BST1: variants seen among roughly 807,000 people sequenced by gnomAD.
BST1 encodes the protein ADP-ribosyl cyclase/cyclic ADP-ribose hydrolase 2.
In BST1, 49 loss-of-function variants were observed where a neutral mutation model predicts 40.6. That is an observed-to-expected ratio of 1.21 (90% CI 0.96 to 1.53). The LOEUF (loss-of-function observed/expected upper bound fraction) is 1.53, where lower values mean the gene tolerates loss of function less well. Among genes scored for constraint, BST1 ranks in the 40% most tolerant of loss-of-function variants. The pLI, the probability that BST1 is intolerant of heterozygous loss-of-function variation, is 0.00. For synonymous variants in BST1, 157 were observed against 159.3 expected, an observed-to-expected ratio of 0.99 and a Z score of 0.11; for missense variants, 423 against 395.9, an observed-to-expected ratio of 1.07 and a Z score of -0.58.
exon 7 of BST1, chr4:15,737,883 A>C: frequency 4.3e-6 from 5 of 1,168,682 alleles, no homozygotes; most frequent in Non-Finnish European, 5.7e-6. Flanking sequence ...CGAAATCTCC[A>C]GAGGCTCTGG....
the BST1 span, among the ~76,000 whole-genome samples, chr4:15,748,822 G>A: frequency 1.3e-5 from 2 of 152,150 alleles, no homozygotes; most frequent in African/African-American, 4.8e-5. Context: ...CATTCCTTAT[G>A]ATTACCATTT....
downstream of BST1, among the ~76,000 whole-genome samples, chr4:15,739,595 A>G (rs561899323): frequency 0.031 from 2,796 of 90,210 alleles, 83 homozygotes; most frequent in African/African-American, 0.095. Flanking sequence ...GTGTGTGTGT[A>G]TTTCTCCCCT....
rs142268904 is a variant in BST1 at position 15,729,867 on chromosome 4, A to G, written c.852-1873A>G. Among the ~76,000 whole-genome samples, 15 of 152,284 alleles carry G rather than the reference A, an allele frequency of 9.9e-5. No homozygotes were observed. The East Asian group carries it at 2.9e-3, about 29-fold the overall frequency. Reference sequence around the variant, plus strand: ...GATAGAAATAGGTCTGAGAAAGTAAACTCCAAGCACCTAACTGTGGGTTCC... The same window carrying G: ...GATAGAAATAGGTCTGAGAAAGTAAGCTCCAAGCACCTAACTGTGGGTTCC... On this transcript the variant is annotated intron_variant, in intron 8 of 8. Coordinates refer to ENST00000265016, the MANE Select transcript of BST1 (RefSeq NM_004334.3).
At chr4:15,730,566 C>T (rs1423187026) in intron 8 of BST1, among the ~76,000 whole-genome samples, 2 of 152,178 alleles carry the variant, frequency 1.3e-5, no homozygotes, top group African/African-American at 2.4e-5. Context: ...AGGTGAAGAA[C>T]GCACGTTGCA....
chr4:15,716,037 TC>T (rs1720498076), intron 6 of BST1, among the ~76,000 whole-genome samples: 1 of 152,196 alleles, frequency 6.6e-6, no homozygotes, highest in Non-Finnish European at 1.5e-5. Flanking sequence ...AAGACAGTGT[TC>T]CTTTCTGAAT....
At chr4:15,734,537 GT>G (rs1560290328), downstream of BST1, among the ~76,000 whole-genome samples, 1 of 151,960 alleles carries the variant, frequency 6.6e-6, no homozygotes, top group Non-Finnish European at 1.5e-5. Context: ...AAACTTAGGG[GT>G]TTACATAGCA....
chr4:15,768,700 G>A, the BST1 span, among the ~76,000 whole-genome samples: 1 of 151,866 alleles, frequency 6.6e-6, no homozygotes, highest in Non-Finnish European at 1.5e-5. Context: ...GTTTCACCTC[G>A]TTAGCCAGGA....
At chr4:15,748,144 G>A in the BST1 span, among the ~76,000 whole-genome samples, 25 of 152,228 alleles carry the variant, frequency 1.6e-4, no homozygotes, top group Middle Eastern at 6.8e-3. Context: ...TGTATATTAC[G>A]TACCACCATT....
At chr4:15,763,531 T>C in the BST1 span, among the ~76,000 whole-genome samples, 17 of 151,942 alleles carry the variant, frequency 1.1e-4, no homozygotes, top group Non-Finnish European at 1.9e-4. Flanking sequence ...CTTATTACTT[T>C]TTACGAAGGA....
chr4:15,719,045 G>C (rs565207752), intron 7 of BST1, 52 bp downstream of exon 7: 2 of 1,538,702 alleles, frequency 1.3e-6, no homozygotes, highest in African/African-American at 2.8e-5. Flanking sequence ...TATGATTTTG[G>C]AGGAGGTGGG....
intron 8 of BST1, 71 bp from the exon 9 acceptor site, chr4:15,731,669 C>A (rs1721381429): frequency 2.0e-6 from 3 of 1,518,404 alleles, no homozygotes; most frequent in Admixed American, 1.9e-5. Flanking sequence ...ACTAATACTG[C>A]ACATATATTT....
At chr4:15,761,124 A>C in the BST1 span, among the ~76,000 whole-genome samples, 1 of 151,850 alleles carries the variant, frequency 6.6e-6, no homozygotes, top group Non-Finnish European at 1.5e-5. Context: ...AGCTCACCTC[A>C]ACCCCCGCCT....
At chr4:15,772,833 G>A in the BST1 span, among the ~76,000 whole-genome samples, 1 of 152,184 alleles carries the variant, frequency 6.6e-6, no homozygotes, top group African/African-American at 2.4e-5. Context: ...AGCTTGGGCT[G>A]GTTGGGGACA....
chr4:15,731,387 CA>C, intron 8 of BST1: 1 of 542,796 alleles, frequency 1.8e-6, no homozygotes, highest in Admixed American at 2.9e-5. Context: ...GGTGGAAATC[CA>C]CAGGCTTGGC....
the BST1 span, among the ~76,000 whole-genome samples, chr4:15,748,627 G>A: frequency 6.6e-6 from 1 of 152,340 alleles, no homozygotes; most frequent in Admixed American, 6.5e-5. Flanking sequence ...TGAACATGCT[G>A]TGCTTGTAGG....
chr4:15,755,435 C>T, the BST1 span, among the ~76,000 whole-genome samples: 184 of 152,252 alleles, frequency 1.2e-3, no homozygotes, highest in African/African-American at 4.2e-3. Flanking sequence ...CCGTGCCTGG[C>T]GCCAGTTTCT....
intron 8 of BST1, 32 bp from the exon 9 acceptor site, chr4:15,731,708 G>A (rs752334608): frequency 1.3e-5 from 20 of 1,594,170 alleles, no homozygotes; most frequent in Non-Finnish European, 1.4e-5. Context: ...CACCAATACT[G>A]ACACTTTCTC....
At chr4:15,737,387 A>T (rs901257769), downstream of BST1, among the ~76,000 whole-genome samples, 1 of 152,168 alleles carries the variant, frequency 6.6e-6, no homozygotes, top group East Asian at 1.9e-4. Flanking sequence ...TACAGATGAG[A>T]AAACATAGAC....
chr4:15,709,150 A>T (rs1720047204), intron 3 of BST1, among the ~76,000 whole-genome samples: 2 of 152,356 alleles, frequency 1.3e-5, no homozygotes, highest in Middle Eastern at 6.8e-3. Context: ...AGGACAAAAA[A>T]GATTGAGGGT....
Sources: gnomAD v4.1 joint callset for allele counts (sites outside exome capture counted in the v4.1 genomes callset) on GRCh38, gnomAD v4.1.1 for gene constraint, MANE v1.5 for transcripts, NCBI Gene and HGNC (gene_info 2026-07-23, HGNC 2026-07-21) for gene names.